Variants in HIBCH observed in about 807,000 individuals in gnomAD.
HIBCH encodes 3-hydroxyisobutyryl-CoA hydrolase, mitochondrial.
In HIBCH, 50 loss-of-function variants were observed where a neutral mutation model predicts 58.2. The ratio of observed to expected loss-of-function variants is 0.86; its 90% confidence interval spans 0.68 to 1.09. The LOEUF is 1.09. HIBCH is among the 50% of genes least tolerant of loss of function. The pLI is 0.00. For synonymous variants in HIBCH, 151 were observed against 146.9 expected, an observed-to-expected ratio of 1.03 and a Z score of -0.20; for missense variants, 450 against 449.7, an observed-to-expected ratio of 1.00 and a Z score of -0.01.
intron 5 of HIBCH, among the ~76,000 whole-genome samples, chr2:190,288,156 CTTTTTTTT>C (rs369704911): frequency 0.18 from 25,646 of 141,496 alleles, 2,728 homozygotes; most frequent in Admixed American, 0.31. Flanking sequence ...AAGACCCTAT[CTTTTTTTT>C]TTTTTTTTTT....
chr2:190,293,859 T>G (rs1444238804), intron 4 of HIBCH, among the ~76,000 whole-genome samples: 1 of 151,886 alleles, frequency 6.6e-6, no homozygotes, highest in Non-Finnish European at 1.5e-5. Flanking sequence ...ACACTGATGC[T>G]GAGAACAGAC....
At chr2:190,242,633 G>A (rs1575718633) in intron 11 of HIBCH, among the ~76,000 whole-genome samples, 1 of 152,028 alleles carries the variant, frequency 6.6e-6, no homozygotes, top group Non-Finnish European at 1.5e-5. Context: ...GTTGACATGA[G>A]GTGCTTGCTG....
intron 6 of HIBCH, among the ~76,000 whole-genome samples, chr2:190,270,190 C>T (rs1020580286): frequency 4.0e-5 from 6 of 151,244 alleles, no homozygotes; most frequent in African/African-American, 1.5e-4. Context: ...CCTGCACGTT[C>T]TGCACATGTA....
intron 5 of HIBCH, among the ~76,000 whole-genome samples, chr2:190,288,789 T>A (rs1687892415): frequency 6.6e-6 from 1 of 152,196 alleles, no homozygotes; most frequent in South Asian, 2.1e-4. Flanking sequence ...TAAAATATGA[T>A]ACAATGCTCT....
intron 3 of HIBCH, among the ~76,000 whole-genome samples, chr2:190,296,100 T>C (rs1394663743): frequency 6.6e-6 from 1 of 152,132 alleles, no homozygotes; most frequent in African/African-American, 2.4e-5. Context: ...GTTTACGGCC[T>C]TCTCTGAGAA....
intron 11 of HIBCH, among the ~76,000 whole-genome samples, chr2:190,223,416 A>T (rs1474381331): frequency 5.3e-5 from 8 of 152,114 alleles, no homozygotes; most frequent in Non-Finnish European, 1.0e-4. Context: ...CCTTTTTTTC[A>T]CCACTATTTC....
At chr2:190,298,497 AC>A (rs1688171255) in intron 2 of HIBCH, among the ~76,000 whole-genome samples, 1 of 152,136 alleles carries the variant, frequency 6.6e-6, no homozygotes, top group Middle Eastern at 3.2e-3. Context: ...TTCTCTAATG[AC>A]CAGTAATAAT....
At chr2:190,258,616 T>C (rs1257634639) in intron 7 of HIBCH, among the ~76,000 whole-genome samples, 7 of 152,198 alleles carry the variant, frequency 4.6e-5, no homozygotes, top group Non-Finnish European at 7.4e-5. Flanking sequence ...TTCAACAACA[T>C]GTGTATATAC....
At chr2:190,274,981 TCTCAAAATAATCTG>T (rs1182223804) in intron 6 of HIBCH, among the ~76,000 whole-genome samples, 1 of 152,322 alleles carries the variant, frequency 6.6e-6, no homozygotes, top group African/African-American at 2.4e-5. Flanking sequence ...ATCTGCTGGT[TCTCAAAATAATCTG>T]CTCAAAATAA....
intron 11 of HIBCH, among the ~76,000 whole-genome samples, chr2:190,233,580 T>C (rs1360037816): frequency 2.0e-5 from 3 of 152,240 alleles, no homozygotes; most frequent in African/African-American, 7.2e-5. Context: ...CTTTCTTTTG[T>C]AAATTGCCTG....
chr2:190,224,438 A>G (rs1575704110), intron 11 of HIBCH, among the ~76,000 whole-genome samples: 1 of 152,204 alleles, frequency 6.6e-6, no homozygotes, highest in East Asian at 1.9e-4. Flanking sequence ...GGATGGAGGA[A>G]GATCTACCAA....
At chr2:190,286,919 GTTTA>G (rs1158114542) in intron 6 of HIBCH, among the ~76,000 whole-genome samples, 1 of 150,402 alleles carries the variant, frequency 6.6e-6, no homozygotes, top group Non-Finnish European at 1.5e-5. Context: ...AAAAGAATCA[GTTTA>G]TTTTTAAGTA....
chr2:190,291,230 C>T (rs1687949348), intron 4 of HIBCH, among the ~76,000 whole-genome samples: 1 of 152,164 alleles, frequency 6.6e-6, no homozygotes, highest in Admixed American at 6.5e-5. Context: ...GCACCTACTA[C>T]ATACCAAGTA....
chr2:190,246,404 TA>T, intron 9 of HIBCH, among the ~76,000 whole-genome samples, 192 bp from the exon 10 acceptor site: 1 of 152,350 alleles, frequency 6.6e-6, no homozygotes, highest in Admixed American at 6.5e-5. Context: ...GACTAGCTCT[TA>T]AAAGTATCAA....
At position 190,279,451 on chromosome 2, in the gene HIBCH, T is replaced by A. The variant is rs1395174151; in HGVS notation, c.438+8135A>T. Among the ~76,000 whole-genome samples the A allele has an allele frequency of 1.3e-5, 2 of 152,098 alleles. No homozygotes were observed. Among genetic ancestry groups the A allele is most frequent in the African/African-American group, 4.8e-5 (2 of 41,442 alleles). ...CAACTCAAAATTCCGAAGTCCAGAG[T>A]CCCATCTGTGAAGCCTGTGTAATCA... On this transcript the variant is annotated intron_variant, in intron 6 of 13. Transcript: ENST00000359678. The surrounding 1 kb of genome is among the most constrained non-coding windows in gnomAD (Gnocchi z 4.2).
At chr2:190,289,260 CA>C (rs1687905807) in intron 5 of HIBCH, among the ~76,000 whole-genome samples, 1 of 151,780 alleles carries the variant, frequency 6.6e-6, no homozygotes, top group Non-Finnish European at 1.5e-5. Flanking sequence ...TATATATCCC[CA>C]TGTGTTTAAT....
At chr2:190,218,696 T>G (rs1056918197) in intron 11 of HIBCH, among the ~76,000 whole-genome samples, 1 of 152,242 alleles carries the variant, frequency 6.6e-6, no homozygotes. Flanking sequence ...CCTCAAGCAC[T>G]GGTAGCTGCG....
chr2:190,292,563 G>C (rs985868539), intron 4 of HIBCH, among the ~76,000 whole-genome samples: 1 of 152,148 alleles, frequency 6.6e-6, no homozygotes, highest in African/African-American at 2.4e-5. Context: ...CTCCCACCTC[G>C]GCCTCCCAAA....
intron 6 of HIBCH, among the ~76,000 whole-genome samples, chr2:190,261,689 G>C (rs1447794636): frequency 6.6e-6 from 1 of 152,030 alleles, no homozygotes; most frequent in Non-Finnish European, 1.5e-5. Context: ...TGGCCTAGCT[G>C]ACCTCTTTGA....
Sources: allele counts gnomAD v4.1 joint callset (sites outside exome capture counted in the v4.1 genomes callset), GRCh38; gene constraint gnomAD v4.1.1; non-coding constraint Gnocchi (gnomAD v3.1); transcripts MANE v1.5; gene names NCBI Gene and HGNC (gene_info 2026-07-23, HGNC 2026-07-21).